Variants in GALNT17 observed in about 807,000 individuals in gnomAD.
GALNT17 encodes UDP-GalNAc:polypeptide N-acetylgalactosaminyltransferase-like 3.
Under a neutral mutation model 63.7 loss-of-function variants are expected in GALNT17, and 29 were observed. The ratio of observed to expected loss-of-function variants is 0.46; its 90% CI spans 0.34 to 0.62. GALNT17 has a LOEUF of 0.62. Among genes scored for constraint, GALNT17 ranks in the 20% least tolerant of loss-of-function variants. The pLI, the probability that GALNT17 is intolerant of heterozygous loss-of-function variation, is 0.01. For missense variants in GALNT17, 603 were observed against 799.6 expected (o/e 0.75, Z 2.97); for synonymous variants, 305 against 318.3 (o/e 0.96, Z 0.45).
chr7:71,203,473 AT>A (rs1260630774), intron 1 of GALNT17, among the ~76,000 whole-genome samples: 4 of 152,190 alleles, frequency 2.6e-5, no homozygotes, highest in African/African-American at 9.7e-5. Context: ...TTCTTTGTCC[AT>A]TTTTAAAATT....
At chr7:71,663,546 G>C (rs985267938) in intron 6 of GALNT17, among the ~76,000 whole-genome samples, 2 of 152,124 alleles carry the variant, frequency 1.3e-5, no homozygotes, top group Non-Finnish European at 1.5e-5. Context: ...GCATCTAGCT[G>C]TCCTGTCCCA....
chr7:71,561,282 G>C, intron 5 of GALNT17, among the ~76,000 whole-genome samples: 1 of 152,114 alleles, frequency 6.6e-6, no homozygotes, highest in East Asian at 1.9e-4. Flanking sequence ...AAAGTGCTGG[G>C]ATTACAGGCA....
At chr7:71,583,850 C>T (rs370422824) in intron 6 of GALNT17, among the ~76,000 whole-genome samples, 17 of 152,018 alleles carry the variant, frequency 1.1e-4, no homozygotes, top group African/African-American at 2.2e-4. Flanking sequence ...CCTGGCTGGG[C>T]GCGGTGGCTC....
intron 4 of GALNT17, among the ~76,000 whole-genome samples, chr7:71,418,899 A>G (rs111556193): frequency 0.045 from 6,896 of 152,140 alleles, 562 homozygotes; most frequent in African/African-American, 0.16. Flanking sequence ...GGAGTTCGAG[A>G]CCAGCCTAGC....
At position 71,286,642 on chromosome 7, in the gene GALNT17, C is replaced by T. The variant is rs114150240; in HGVS notation, c.239-48908C>T. Among the ~76,000 whole-genome samples, 673 of 152,184 alleles carry T rather than the reference C, an allele frequency of 4.4e-3. 4 individuals are homozygous for T. The highest frequency in any genetic ancestry group is 0.016 in the African/African-American group (649 of 41,530). ...GGGCACTAATCTGGAGACCCACGAT[C>T]GATGCTAGCTCCAACATGAACTGGC... On this transcript the variant is annotated intron_variant, in intron 1 of 10. Coordinates refer to ENST00000333538, the MANE Select transcript of GALNT17 (RefSeq NM_022479.3).
At chr7:71,593,065 C>T (rs148039479) in intron 6 of GALNT17, among the ~76,000 whole-genome samples, 1 of 151,934 alleles carries the variant, frequency 6.6e-6, no homozygotes, top group Non-Finnish European at 1.5e-5. Flanking sequence ...GGGAGGATTG[C>T]TTGAGCCTCA....
At chr7:71,679,656 G>C (rs1444753527) in intron 9 of GALNT17, among the ~76,000 whole-genome samples, 3 of 151,976 alleles carry the variant, frequency 2.0e-5, no homozygotes, top group African/African-American at 4.8e-5. Context: ...GAATGCAAGA[G>C]GGAAGGGAGT....
chr7:71,545,809 T>A (rs1788974142), intron 5 of GALNT17, among the ~76,000 whole-genome samples: 2 of 152,242 alleles, frequency 1.3e-5, no homozygotes, highest in South Asian at 4.1e-4. Context: ...AGAGCTCATC[T>A]TTGATGGAGC....
chr7:71,528,948 A>C (rs1268389170), intron 5 of GALNT17, among the ~76,000 whole-genome samples: 1 of 152,134 alleles, frequency 6.6e-6, no homozygotes, highest in Non-Finnish European at 1.5e-5. Context: ...CAACCTGGCC[A>C]ACATGGTGAA....
intron 5 of GALNT17, among the ~76,000 whole-genome samples, chr7:71,524,824 G>C (rs1788597650): frequency 6.6e-6 from 1 of 152,148 alleles, no homozygotes; most frequent in South Asian, 2.1e-4. Flanking sequence ...TTGCTTGTGA[G>C]AAGTATGTGG....
At chr7:71,695,163 C>T (rs1039625878) in intron 9 of GALNT17, among the ~76,000 whole-genome samples, 2 of 152,206 alleles carry the variant, frequency 1.3e-5, no homozygotes, top group African/African-American at 4.8e-5. Context: ...GCTCTTCCAG[C>T]TCTCATCCTG....
At chr7:71,440,482 C>A (rs1787046003) in intron 5 of GALNT17, among the ~76,000 whole-genome samples, 1 of 151,412 alleles carries the variant, frequency 6.6e-6, no homozygotes, top group East Asian at 2.0e-4. Flanking sequence ...TCAACCAATT[C>A]TCCTGCCTCA....
At chr7:71,155,570 GCTT>G (rs981287271) in intron 1 of GALNT17, among the ~76,000 whole-genome samples, 7 of 151,582 alleles carry the variant, frequency 4.6e-5, no homozygotes, top group Non-Finnish European at 7.4e-5. Context: ...ACTGCGCCCA[GCTT>G]CTTCTTTTTT....
intron 2 of GALNT17, among the ~76,000 whole-genome samples, chr7:71,365,969 C>T (rs994744120): frequency 6.6e-6 from 1 of 152,114 alleles, no homozygotes; most frequent in African/African-American, 2.4e-5. Context: ...ACTAGACGGT[C>T]CCATCTGGGG....
At chr7:71,604,213 A>C (rs1395050927) in intron 6 of GALNT17, among the ~76,000 whole-genome samples, 1 of 120,320 alleles carries the variant, frequency 8.3e-6, no homozygotes, top group Admixed American at 8.0e-5. Context: ...GCCAGGTACT[A>C]TGTTAAGTGC....
At chr7:71,163,243 A>G (rs1009673034) in intron 1 of GALNT17, among the ~76,000 whole-genome samples, 1 of 152,176 alleles carries the variant, frequency 6.6e-6, no homozygotes, top group African/African-American at 2.4e-5. Context: ...GGAGAGATGA[A>G]ACATTCAATT....
intron 6 of GALNT17, among the ~76,000 whole-genome samples, chr7:71,662,894 GT>G (rs1790930286): frequency 6.6e-6 from 1 of 152,114 alleles, no homozygotes; most frequent in Non-Finnish European, 1.5e-5. Flanking sequence ...TTTTTATATG[GT>G]GTGAGGTAGG....
intron 1 of GALNT17, among the ~76,000 whole-genome samples, chr7:71,304,763 T>C (rs1044135678): frequency 6.6e-6 from 1 of 152,100 alleles, no homozygotes; most frequent in South Asian, 2.1e-4. Context: ...TCTTTTTTTT[T>C]TTTGAGATGG....
At chr7:71,604,576 G>C (rs1037458111) in intron 6 of GALNT17, among the ~76,000 whole-genome samples, 1 of 152,194 alleles carries the variant, frequency 6.6e-6, no homozygotes, top group African/African-American at 2.4e-5. Context: ...GGAGGAGCCA[G>C]ATTTGAACTC....
Sources: gnomAD v4.1 joint callset for allele counts (sites outside exome capture counted in the v4.1 genomes callset) on GRCh38, gnomAD v4.1.1 for gene constraint, MANE v1.5 for transcripts, NCBI Gene and HGNC (gene_info 2026-07-23, HGNC 2026-07-21) for gene names.